The following CAPG variants were observed in gnomAD, a reference collection of about 807,000 sequenced individuals.
CAPG encodes the protein capping actin protein, gelsolin like.
Under a neutral mutation model 44.6 loss-of-function variants are expected in CAPG, and 32 were observed. That is an observed-to-expected ratio of 0.72 (90% CI 0.54 to 0.96). The LOEUF (loss-of-function observed/expected upper bound fraction) is 0.96. Among genes scored for constraint, CAPG ranks in the 50% least tolerant of loss-of-function variants. The pLI, the probability that CAPG is intolerant of heterozygous loss-of-function variation, is 0.00. For missense variants in CAPG, 412 were observed against 438.3 expected (o/e 0.94, Z 0.54); for synonymous variants, 175 against 179.6 (o/e 0.97, Z 0.20).
At position 85,395,864 on chromosome 2, in the gene CAPG, C is replaced by A; in HGVS notation, c.893-238G>T. On this transcript the variant is annotated intron_variant, in intron 8 of 9. Coordinates refer to ENST00000263867, the MANE Select transcript of CAPG (RefSeq NM_001747.4). The surrounding 1 kb of genome is among the most constrained non-coding windows in gnomAD (Gnocchi z 4.3). ...AACCCCTCGTCTGCCCGGGTCTGAT[C>A]ATGCAAAACTCTGCTCTGACCTGGG... 1 of 525,032 alleles carries A rather than the reference C, an allele frequency of 1.9e-6. No homozygotes were observed. Among genetic ancestry groups the A allele is most frequent in the Non-Finnish European group, 3.5e-6 (1 of 289,464 alleles). The allele number at this position is 525,032 out of a possible 1,614,324, so 32.5% of individuals were successfully genotyped here. A position where few individuals can be genotyped will look rare whatever the true frequency, so the allele number is the denominator to read the frequency against.
At chr2:85,412,680 A>AT (rs1687450148), upstream of CAPG, among the ~76,000 whole-genome samples, 1 of 152,094 alleles carries the variant, frequency 6.6e-6, no homozygotes, top group African/African-American at 2.4e-5. Flanking sequence ...AAACATGCAC[A>AT]TGTACCCCTG....
chr2:85,414,726 C>T (rs547921816), upstream of CAPG, among the ~76,000 whole-genome samples: 1 of 152,274 alleles, frequency 6.6e-6, no homozygotes, highest in East Asian at 1.9e-4. Context: ...GCCACCGCAC[C>T]CAACTGCTGA....
At chr2:85,405,873 A>G (rs1291782563) in intron 1 of CAPG, among the ~76,000 whole-genome samples, 1 of 152,168 alleles carries the variant, frequency 6.6e-6, no homozygotes, top group South Asian at 2.1e-4. Context: ...GGCTGCCCCA[A>G]GCTCAAGCCA....
chr2:85,405,105 C>G (rs1017432874), intron 1 of CAPG, among the ~76,000 whole-genome samples: 6 of 152,084 alleles, frequency 3.9e-5, no homozygotes, highest in African/African-American at 1.4e-4. Context: ...AGAAATTTCA[C>G]CCACTCCCAG....
At chr2:85,412,054 T>C (rs867610473), upstream of CAPG, among the ~76,000 whole-genome samples, 5 of 147,384 alleles carry the variant, frequency 3.4e-5, no homozygotes, top group Middle Eastern at 3.5e-3. Flanking sequence ...AAAGCAAGAC[T>C]CCATCTCAAA....
At chr2:85,397,270 G>A (rs1223332309) in intron 8 of CAPG, among the ~76,000 whole-genome samples, 1 of 152,168 alleles carries the variant, frequency 6.6e-6, no homozygotes, top group Non-Finnish European at 1.5e-5. Context: ...CCATAACCTT[G>A]TTAGAGATGC....
intron 1 of CAPG, among the ~76,000 whole-genome samples, chr2:85,417,135 G>C (rs1194458452): frequency 2.6e-5 from 4 of 152,156 alleles, no homozygotes; most frequent in African/African-American, 9.7e-5. Context: ...CAGAAGACAA[G>C]TTTACCCCTG....
Position 85,394,903 on chromosome 2 carries a change from T to A in CAPG, c.1037A>T (p.Asp346Val), listed in dbSNP as rs1449204725. ...GGAAGACGCCCACCCTCATTTCCAG[T>A]CCTTGAAAAATTGCTTGAAGATGGG... ...ESPIFKQFFK[D>V]WK is the part of the protein sequence containing the mutation. The change falls in exon 10 of 10, where the codon GAC becomes GTC. Residue 346 changes from aspartate (D) to valine (V), a missense_variant. Coordinates refer to ENST00000263867, the MANE Select transcript of CAPG (RefSeq NM_001747.4). 1 of 1,612,874 alleles carries A rather than the reference T, an allele frequency of 6.2e-7. No homozygotes were observed. Among genetic ancestry groups the A allele is most frequent in the East Asian group, 2.2e-5 (1 of 44,872 alleles).
Position 85,401,589 on chromosome 2 carries a change from C to T in CAPG, c.291G>A (p.Glu97=). The stretch of plus-strand genomic sequence containing the variant: ...AGAGGTCAGACTCATTGCCCTGCAC[C>T]TCGCGGTGCTGCACAGGCCGCTCTC... ...LLGERPVQHR[E]VQGNESDLFM... The change falls in exon 4 of 10, where the codon GAG becomes GAA. Residue 97 remains glutamate, a synonymous_variant. Coordinates refer to ENST00000263867, the MANE Select transcript of CAPG (RefSeq NM_001747.4). 6.2e-7 allele frequency: 1 copy of T among 1,614,214 alleles called. No homozygotes were observed. Among genetic ancestry groups the T allele is most frequent in the African/African-American group, 1.3e-5 (1 of 75,064 alleles).
intron 6 of CAPG, 103 bp from the exon 7 acceptor site, chr2:85,398,885 T>A (rs906175839): frequency 3.2e-6 from 3 of 939,666 alleles, no homozygotes; most frequent in Admixed American, 5.4e-5. Context: ...AACTGCGCCC[T>A]GCACTAGGGC....
chr2:85,412,683 T>C (rs1687450212), upstream of CAPG, among the ~76,000 whole-genome samples: 1 of 151,926 alleles, frequency 6.6e-6, no homozygotes, highest in African/African-American at 2.4e-5. Flanking sequence ...CATGCACATG[T>C]ACCCCTGAAC....
At chr2:85,402,587 C>T (rs1177858104) in intron 1 of CAPG, among the ~76,000 whole-genome samples, 1 of 151,966 alleles carries the variant, frequency 6.6e-6, no homozygotes, top group Non-Finnish European at 1.5e-5. Context: ...CGGTCTCAGC[C>T]ACCCAAGCAG....
intron 1 of CAPG, among the ~76,000 whole-genome samples, chr2:85,407,021 C>G (rs1687194320): frequency 6.6e-6 from 1 of 151,472 alleles, no homozygotes; most frequent in African/African-American, 2.4e-5. Flanking sequence ...ACCTCTGCCT[C>G]CTGAGTTGAA....
intron 1 of CAPG, among the ~76,000 whole-genome samples, chr2:85,402,578 G>A (rs115231991): frequency 0.05 from 7,573 of 151,048 alleles, 228 homozygotes; most frequent in Non-Finnish European, 0.068. Context: ...GTAATCCTCC[G>A]GTCTCAGCCA....
At chr2:85,405,822 C>T (rs1012867673) in intron 1 of CAPG, among the ~76,000 whole-genome samples, 2 of 152,216 alleles carry the variant, frequency 1.3e-5, no homozygotes, top group Non-Finnish European at 2.9e-5. Flanking sequence ...TCCCCTGCAA[C>T]AGGCAGCCCA....
upstream of CAPG, among the ~76,000 whole-genome samples, chr2:85,413,668 C>A (rs941338703): frequency 6.6e-6 from 1 of 152,214 alleles, no homozygotes; most frequent in African/African-American, 2.4e-5. Flanking sequence ...AATGCACATG[C>A]TAATGAGTTA....
At chr2:85,416,546 T>C (rs937027254) in intron 1 of CAPG, among the ~76,000 whole-genome samples, 2 of 152,178 alleles carry the variant, frequency 1.3e-5, no homozygotes, top group South Asian at 4.1e-4. Context: ...AGTCTCACTC[T>C]TGTCGCCCAA....
Position 85,394,796 on chromosome 2 carries a change from A to T in CAPG, c.*97T>A. 1.2e-6 allele frequency: 1 copy of T among 858,968 alleles called. No homozygotes were observed. Among genetic ancestry groups the T allele is most frequent in the South Asian group, 1.3e-5 (1 of 75,304 alleles). The allele number at this position is 858,968 out of a possible 1,614,324, so 53.2% of individuals were successfully genotyped here. On this transcript the variant is annotated 3_prime_UTR_variant, in exon 10 of 10. Coordinates refer to ENST00000263867, the MANE Select transcript of CAPG (RefSeq NM_001747.4). Reference sequence around the variant, plus strand: ...AAAGCACTTGTCTCCTTTATTGAACATCTGCAGGGGGCACCTCTGCACTGA... The same window carrying T: ...AAAGCACTTGTCTCCTTTATTGAACTTCTGCAGGGGGCACCTCTGCACTGA...
upstream of CAPG, among the ~76,000 whole-genome samples, chr2:85,412,720 G>T (rs1687451259): frequency 6.6e-6 from 1 of 151,968 alleles, no homozygotes. Context: ...GAAAAAAAAG[G>T]ATAGTCTGGG....
Sources: gnomAD v4.1 joint callset for allele counts (sites outside exome capture counted in the v4.1 genomes callset) on GRCh38, gnomAD v4.1.1 for gene constraint, Gnocchi (gnomAD v3.1) non-coding constraint, MANE v1.5 for transcripts, NCBI Gene and HGNC (gene_info 2026-07-23, HGNC 2026-07-21) for gene names.